The following PTDSS1 variants were observed in gnomAD, a reference collection of about 807,000 sequenced individuals.
PTDSS1 encodes phosphatidylserine synthase 1.
A neutral mutation model predicts 70.5 loss-of-function variants in PTDSS1; 45 were observed. The observed-to-expected ratio is 0.64, with a 90% CI of 0.50 to 0.82. PTDSS1 has a LOEUF of 0.82. Among genes scored for constraint, PTDSS1 ranks in the 40% least tolerant of loss-of-function variants. The pLI is 0.00. For missense variants in PTDSS1, 417 were observed against 586.1 expected (o/e 0.71, Z 2.98); for synonymous variants, 188 against 203.8 (o/e 0.92, Z 0.66).
chr8:96,292,419 G>A (rs1810920778), intron 4 of PTDSS1, among the ~76,000 whole-genome samples: 1 of 151,872 alleles, frequency 6.6e-6, no homozygotes, highest in South Asian at 2.1e-4. Flanking sequence ...ATTCAAGGAA[G>A]CACGATAGTT....
intron 2 of PTDSS1, among the ~76,000 whole-genome samples, chr8:96,279,400 T>C (rs1407344342): frequency 6.6e-6 from 1 of 151,706 alleles, no homozygotes; most frequent in Non-Finnish European, 1.5e-5. Flanking sequence ...AAGATAATGA[T>C]AATCATGTCT....
intron 9 of PTDSS1, among the ~76,000 whole-genome samples, chr8:96,313,939 C>T (rs1420474312): frequency 6.6e-6 from 1 of 152,214 alleles, no homozygotes; most frequent in Admixed American, 6.5e-5. Context: ...TTTCAGTTCC[C>T]TTTGCTGGCT....
intron 2 of PTDSS1, among the ~76,000 whole-genome samples, chr8:96,278,951 G>A (rs1282116826): frequency 6.7e-6 from 1 of 148,898 alleles, no homozygotes; most frequent in East Asian, 2.0e-4. Context: ...TTGTCTGCAA[G>A]AGAAACACCA....
intron 1 of PTDSS1, among the ~76,000 whole-genome samples, chr8:96,271,565 G>A (rs1436951505): frequency 2.0e-5 from 3 of 152,106 alleles, no homozygotes; most frequent in Admixed American, 6.6e-5. Flanking sequence ...ATAAATACCC[G>A]AAAGTAAAAT....
chr8:96,332,971 CA>C (rs2130193418), intron 12 of PTDSS1, among the ~76,000 whole-genome samples: 1 of 152,324 alleles, frequency 6.6e-6, no homozygotes, highest in South Asian at 2.1e-4. Context: ...AGATGTTCTC[CA>C]GATCAAATGT....
chr8:96,265,029 T>G (rs2129981158), intron 1 of PTDSS1, among the ~76,000 whole-genome samples: 1 of 152,348 alleles, frequency 6.6e-6, no homozygotes, highest in South Asian at 2.1e-4. Context: ...GATTTGTGAC[T>G]TAAGTGGGGC....
At chr8:96,310,169 C>CTT (rs113232621) in intron 9 of PTDSS1, among the ~76,000 whole-genome samples, 6,688 of 139,660 alleles carry the variant, frequency 0.048, 415 homozygotes, top group African/African-American at 0.13. Flanking sequence ...GGATCTCTCT[C>CTT]TTTTTTTTTT....
chr8:96,312,540 G>A (rs1250027625), intron 9 of PTDSS1, among the ~76,000 whole-genome samples: 1 of 151,304 alleles, frequency 6.6e-6, no homozygotes, highest in African/African-American at 2.4e-5. Flanking sequence ...AGAAAGTTGT[G>A]CCTTATTTGA....
intron 2 of PTDSS1, 114 bp downstream of exon 2, chr8:96,273,504 G>C: frequency 1.3e-6 from 1 of 794,786 alleles, no homozygotes; most frequent in East Asian, 2.7e-5. Context: ...TTGTGTAGTG[G>C]TTAGGGGCAC....
rs1479011981 is a variant in PTDSS1, at chr8:96,333,128, C to G, written c.1313-329C>G. Among the ~76,000 whole-genome samples the G allele has an allele frequency of 3.9e-5, 6 of 152,280 alleles. No individual in the cohort carries two copies. In the East Asian group the frequency reaches 1.2e-3, roughly 29 times the overall value. On this transcript the variant is annotated intron_variant, in intron 12 of 12. Transcript: ENST00000517309. Reference sequence around the variant, plus strand: ...CGCGTGGTGTGTGTTTTAATTGCCCCTCGTTTGGGCTTCCGTTTCACTTGT... The same window carrying G: ...CGCGTGGTGTGTGTTTTAATTGCCCGTCGTTTGGGCTTCCGTTTCACTTGT...
chr8:96,282,088 T>C (rs1444203493), intron 2 of PTDSS1, among the ~76,000 whole-genome samples: 2 of 152,218 alleles, frequency 1.3e-5, no homozygotes, highest in Non-Finnish European at 2.9e-5. Flanking sequence ...GTGAACCTTA[T>C]AAGAGGAAAC....
chr8:96,279,400 T>A (rs1407344342), intron 2 of PTDSS1, among the ~76,000 whole-genome samples: 1 of 151,706 alleles, frequency 6.6e-6, no homozygotes, highest in Non-Finnish European at 1.5e-5. Context: ...AAGATAATGA[T>A]AATCATGTCT....
chr8:96,281,489 G>T (rs1488043797), intron 2 of PTDSS1, among the ~76,000 whole-genome samples: 2 of 152,226 alleles, frequency 1.3e-5, no homozygotes, highest in Admixed American at 1.3e-4. Context: ...CCTGGATTAG[G>T]GTGGTCCCTG....
At chr8:96,298,731 A>T (rs1310548359) in intron 5 of PTDSS1, among the ~76,000 whole-genome samples, 1 of 152,136 alleles carries the variant, frequency 6.6e-6, no homozygotes, top group Non-Finnish European at 1.5e-5. Context: ...TCACCATTGT[A>T]ACACTTTCCT....
chr8:96,271,315 T>G (rs933078366), intron 1 of PTDSS1, among the ~76,000 whole-genome samples: 1 of 152,248 alleles, frequency 6.6e-6, no homozygotes, highest in African/African-American at 2.4e-5. Context: ...TTCTGCAATT[T>G]GCTTTATTTA....
chr8:96,276,975 C>CACA (rs1810654607), intron 2 of PTDSS1, among the ~76,000 whole-genome samples: 1 of 101,258 alleles, frequency 9.9e-6, no homozygotes, highest in African/African-American at 3.5e-5. Flanking sequence ...CGCGCGCACG[C>CACA]GCGCGCACAC....
chr8:96,331,205 C>T (rs912452219), intron 12 of PTDSS1, 110 bp downstream of exon 12: 67 of 999,126 alleles, frequency 6.7e-5, no homozygotes, highest in Non-Finnish European at 9.7e-5. Flanking sequence ...CTCAGGCCTA[C>T]CCATTGAATG....
Position 96,262,020 on chromosome 8 carries a change from G to A in PTDSS1, c.-21G>A, listed in dbSNP as rs752158152. 1.2e-6 allele frequency: 2 copies of A among 1,605,336 alleles called. No individual in the cohort carries two copies. The highest frequency in any genetic ancestry group is 4.5e-5 in the East Asian group (2 of 44,584). ...CTCGGGCTGGGGCCGCCGCCACCGC[G>A]GCAGGACGGGGAGGCGGGCCATGGC... On this transcript the variant is annotated 5_prime_UTR_variant, in exon 1 of 13. Transcript: ENST00000517309. The surrounding 1 kb of genome is among the most constrained non-coding windows in gnomAD (Gnocchi z 4.4).
intron 2 of PTDSS1, chr8:96,283,598 G>GTC (rs72003115): frequency 3.0e-4 from 43 of 145,256 alleles, no homozygotes; most frequent in Non-Finnish European, 4.6e-4. Flanking sequence ...TTATTTTTCA[G>GTC]TCTCTCTCTC....
Sources: allele counts gnomAD v4.1 joint callset (sites outside exome capture counted in the v4.1 genomes callset), GRCh38; gene constraint gnomAD v4.1.1; non-coding constraint Gnocchi (gnomAD v3.1); transcripts MANE v1.5; gene names NCBI Gene and HGNC (gene_info 2026-07-23, HGNC 2026-07-21).